The following MED4 variants were observed in gnomAD, a reference collection of about 807,000 sequenced individuals.
The protein encoded by MED4 is mediator complex subunit 4.
MED4 carries 21 observed loss-of-function variants against 35.0 expected under a neutral mutation model. That is an observed-to-expected ratio of 0.60 (90% confidence interval 0.43 to 0.86). The LOEUF is 0.86. Ranked by LOEUF, MED4 falls within the 40% of genes least tolerant of loss-of-function variation. The probability of loss-of-function intolerance (pLI) is 0.00; values close to 1 mark genes in which losing one functional copy is unlikely to be tolerated. For missense variants in MED4, 300 were observed against 319.4 expected, an observed-to-expected ratio of 0.94 and a Z score of 0.46; for synonymous variants, 138 against 114.0, an observed-to-expected ratio of 1.21 and a Z score of -1.34.
At chr13:48,084,175 G>A (rs748272209) in intron 3 of MED4, among the ~76,000 whole-genome samples, 4 of 150,958 alleles carry the variant, frequency 2.6e-5, no homozygotes, top group Non-Finnish European at 5.9e-5. Context: ...CAGGAGAATC[G>A]CTTGAACCCA....
intron 6 of MED4, among the ~76,000 whole-genome samples, chr13:48,078,684 G>T (rs1950779971): frequency 6.6e-6 from 1 of 152,198 alleles, no homozygotes; most frequent in African/African-American, 2.4e-5. Context: ...GGGGAAGACT[G>T]TTTTTAGGTC....
intron 6 of MED4, among the ~76,000 whole-genome samples, chr13:48,078,737 C>A (rs1417298005): frequency 6.6e-6 from 1 of 152,184 alleles, no homozygotes; most frequent in Non-Finnish European, 1.5e-5. Context: ...CTCCCCATAT[C>A]TGTTTTTCCT....
chr13:48,086,330 ACTGT>A lies in MED4; in HGVS notation c.311_314del (p.Asp104ValfsTer10), dbSNP rs1176053984. The A allele has an allele frequency of 1.2e-6, 2 of 1,613,660 alleles. No individual in the cohort carries two copies. Among genetic ancestry groups the A allele is most frequent in the East Asian group, 2.2e-5 (1 of 44,784 alleles). ...GCTGTTTTTGTAGCTGCTGAATATC[ACTGT>A]CTCTCTTCTCTACTTCTTTTTCTAA... On this transcript the variant is annotated frameshift_variant, in exon 3 of 7. Coordinates refer to ENST00000258648, the MANE Select transcript of MED4 (RefSeq NM_014166.4). LOFTEE classifies it high-confidence loss of function.
In MED4 at chr13:48,084,008, C is replaced by G. The variant is rs1950830168; in HGVS notation, c.364-580G>C. On this transcript the variant is annotated intron_variant, in intron 3 of 6. Transcript: ENST00000258648. ...AGGCACAATGGCTCACACCTGTAAT[C>G]CCAGCATTTTGGGAGGCCGAGGCAG... Among the ~76,000 whole-genome samples the G allele has an allele frequency of 2.0e-5, 3 of 152,000 alleles. No individual in the cohort carries two copies. The South Asian group carries it at 6.2e-4, about 31-fold the overall frequency.
chr13:48,092,554 G>A (rs9316348), intron 1 of MED4, among the ~76,000 whole-genome samples: 43,919 of 152,114 alleles, frequency 0.29, 7,925 homozygotes, highest in African/African-American at 0.51. Context: ...TAAGTTAGGT[G>A]GTTTCTGTAG....
intron 2 of MED4, among the ~76,000 whole-genome samples, chr13:48,086,971 G>C (rs1418234936): frequency 1.3e-5 from 2 of 151,852 alleles, no homozygotes; most frequent in Admixed American, 6.6e-5. Flanking sequence ...GCATGAGCCT[G>C]GGAGGTGGAG....
chr13:48,088,700 G>A (rs971596351), intron 2 of MED4, among the ~76,000 whole-genome samples: 1 of 152,140 alleles, frequency 6.6e-6, no homozygotes, highest in Non-Finnish European at 1.5e-5. Context: ...GAAGACCTAG[G>A]TTCTGGTTCC....
In MED4 at chr13:48,081,665, G is replaced by A; in HGVS notation, c.488C>T (p.Ala163Val). The stretch of plus-strand genomic sequence containing the variant: ...TTTACCTGGAACCCAGGTCAGTGGA[G>A]CACATACAGCATTACTTGCACTGAT... ...HRISASNAVC[A>V]PLTWVPGDPR... is the part of the protein sequence containing the mutation. Residue 163 changes from alanine to valine, a missense_variant, in exon 5 of 7, where the codon GCT becomes GTT. By Grantham distance (64) the Ala-to-Val change is moderately conservative. Coordinates refer to ENST00000258648, the MANE Select transcript of MED4 (RefSeq NM_014166.4). The A allele has an allele frequency of 6.2e-7, 1 of 1,611,254 alleles. No individual in the cohort carries two copies. The highest frequency in any genetic ancestry group is 1.1e-5 in the South Asian group (1 of 90,504).
intron 6 of MED4, 143 bp downstream of exon 6, chr13:48,079,701 T>G: frequency 4.3e-6 from 4 of 925,980 alleles, no homozygotes; most frequent in Non-Finnish European, 6.3e-6. Context: ...CCAGCCTGGG[T>G]GACATAACAA....
At chr13:48,088,655 T>C (rs1950869683) in intron 2 of MED4, among the ~76,000 whole-genome samples, 1 of 152,220 alleles carries the variant, frequency 6.6e-6, no homozygotes. Flanking sequence ...TTAGATCTTA[T>C]TGTTCAGTAG....
intron 1 of MED4, among the ~76,000 whole-genome samples, chr13:48,090,941 T>G (rs1224462438): frequency 6.6e-6 from 1 of 152,204 alleles, no homozygotes; most frequent in Non-Finnish European, 1.5e-5. Flanking sequence ...ATATACAAAT[T>G]GTCTATGGCA....
rs532152828 is a variant in MED4 at position 48,078,884 on chromosome 13, A to T, written c.640+960T>A. Among the ~76,000 whole-genome samples the T allele has an allele frequency of 3.3e-5, 5 of 152,308 alleles. No individual in the cohort carries two copies. The South Asian group carries it at 1.0e-3, about 32-fold the overall frequency. On this transcript the variant is annotated intron_variant, in intron 6 of 6. Coordinates refer to ENST00000258648, the MANE Select transcript of MED4 (RefSeq NM_014166.4). Reference sequence around the variant, plus strand: ...TGACACAGGGACAGCCTTATGATGTAACATTAAGCAAAAAATGTATAGGGG... The same window carrying T: ...TGACACAGGGACAGCCTTATGATGTTACATTAAGCAAAAAATGTATAGGGG...
Position 48,085,227 on chromosome 13 carries a change from A to G in MED4, c.363+1055T>C, listed in dbSNP as rs536949753. ...TGCACTGTTGCCTGGGCTGGAATACAATAGCGCAATCTCAGCTCACTGCAA... is the reference window on the plus strand; with the variant it reads ...TGCACTGTTGCCTGGGCTGGAATACGATAGCGCAATCTCAGCTCACTGCAA... On this transcript the variant is annotated intron_variant, in intron 3 of 6. Coordinates refer to ENST00000258648, the MANE Select transcript of MED4 (RefSeq NM_014166.4). 9.9e-4 allele frequency among the ~76,000 whole-genome samples: 148 copies of G among 148,914 alleles called. 1 individual carries two copies. The Middle Eastern group carries it at 0.014, about 14-fold the overall frequency.
At chr13:48,085,426 C>T (rs904914461) in intron 3 of MED4, among the ~76,000 whole-genome samples, 4 of 152,030 alleles carry the variant, frequency 2.6e-5, no homozygotes, top group African/African-American at 7.2e-5. Context: ...AGACTGACCT[C>T]GCGATCCACC....
At chr13:48,085,559 C>A (rs1316330540) in intron 3 of MED4, among the ~76,000 whole-genome samples, 1 of 152,018 alleles carries the variant, frequency 6.6e-6, no homozygotes, top group African/African-American at 2.4e-5. Context: ...ATTAATTTAC[C>A]CTGAACTGCC....
rs113039181 is a variant in MED4, at chr13:48,081,456, G to A, written c.508+189C>T. On this transcript the variant is annotated intron_variant, in intron 5 of 6. Transcript: ENST00000258648. ...AGAAACACAGTCCCTAGCAACAATG[G>A]CTTCACAGAAAACCAAATTTATAAA... Among the ~76,000 whole-genome samples, 13 of 152,208 alleles carry A rather than the reference G, an allele frequency of 8.5e-5. 1 individual carries two copies. The highest frequency in any genetic ancestry group is 3.1e-4 in the African/African-American group (13 of 41,534).
chr13:48,079,910 T>C lies in MED4; in HGVS notation c.574A>G (p.Asn192Asp), dbSNP rs1422093681. ...MRSGLLGQMNNPSTNGVNGHL... is the reference protein window; with the variant it reads ...MRSGLLGQMNDPSTNGVNGHL... ...CCATTCACGCCATTAGTGGAAGGAT[T>C]GTTCATCTGACCCAGTAACCCACTT... Residue 192 changes from asparagine (N) to aspartate (D), a missense_variant, in exon 6 of 7, where the codon AAT (asparagine) becomes GAT (aspartate). Physicochemically the swap from Asn to Asp is conservative, Grantham distance 23 (BLOSUM62 1). Transcript: ENST00000258648. 1.2e-6 allele frequency: 2 copies of C among 1,614,006 alleles called. No individual in the cohort carries two copies. Among genetic ancestry groups the C allele is most frequent in the Admixed American group, 3.3e-5 (2 of 60,026 alleles).
intron 1 of MED4, among the ~76,000 whole-genome samples, chr13:48,092,562 T>G (rs751434726): frequency 1.3e-5 from 2 of 152,200 alleles, no homozygotes; most frequent in Non-Finnish European, 2.9e-5. Context: ...GTGGTTTCTG[T>G]AGTGTTCCAG....
At chr13:48,078,882 G>C (rs1016590021) in intron 6 of MED4, among the ~76,000 whole-genome samples, 8 of 152,134 alleles carry the variant, frequency 5.3e-5, no homozygotes, top group Non-Finnish European at 1.2e-4. Context: ...GCCTTATGAT[G>C]TAACATTAAG....
Sources: allele counts gnomAD v4.1 joint callset (sites outside exome capture counted in the v4.1 genomes callset), GRCh38; gene constraint gnomAD v4.1.1; transcripts MANE v1.5; gene names NCBI Gene and HGNC (gene_info 2026-07-23, HGNC 2026-07-21).